Variants in APOL5 observed in about 807,000 individuals in gnomAD.
APOL5 encodes apolipoprotein L5, also known as apolipoprotein L, 5.
APOL5 carries 29 observed loss-of-function variants against 35.5 expected under a neutral mutation model. The ratio of observed to expected loss-of-function variants is 0.82; its 90% confidence interval spans 0.61 to 1.11. The LOEUF (loss-of-function observed/expected upper bound fraction) is 1.11. APOL5 is among the 50% of genes most tolerant of loss of function. The pLI, the probability that APOL5 is intolerant of heterozygous loss-of-function variation, is 0.00. For missense variants in APOL5, 514 were observed against 530.4 expected (o/e 0.97, Z 0.30); for synonymous variants, 188 against 200.2 (o/e 0.94, Z 0.51).
At chr22:35,726,059 C>T in intron 2 of APOL5, 152 bp from the exon 3 acceptor site, 1 of 766,682 alleles carries the variant, frequency 1.3e-6, no homozygotes. Context: ...AGGTTAGAAG[C>T]AAGATGAAGC....
chr22:35,717,812 G>A (rs1926812735), upstream of APOL5: 2 of 1,233,112 alleles, frequency 1.6e-6, no homozygotes, highest in African/African-American at 1.6e-5. Flanking sequence ...TTTCAGGCAT[G>A]GAGAAGGGAG....
chr22:35,723,210 A>C (rs775806288), intron 2 of APOL5, among the ~76,000 whole-genome samples: 1 of 152,128 alleles, frequency 6.6e-6, no homozygotes, highest in East Asian at 1.9e-4. Flanking sequence ...ACAGCCTTGC[A>C]TCCTTTCCCA....
upstream of APOL5, among the ~76,000 whole-genome samples, chr22:35,713,066 A>T (rs941195315): frequency 6.6e-6 from 1 of 152,210 alleles, no homozygotes; most frequent in Non-Finnish European, 1.5e-5. Flanking sequence ...CACTTTGGGA[A>T]CACCCATTGC....
At chr22:35,721,051 T>G (rs938297657) in intron 2 of APOL5, among the ~76,000 whole-genome samples, 3 of 151,886 alleles carry the variant, frequency 2.0e-5, no homozygotes, top group African/African-American at 7.3e-5. Flanking sequence ...CAGCTGTCAA[T>G]AAGTATTTGA....
intron 1 of APOL5, 83 bp downstream of exon 1, chr22:35,718,009 AT>A: frequency 1.7e-6 from 2 of 1,147,474 alleles, no homozygotes; most frequent in Non-Finnish European, 2.4e-6. Context: ...ACGTTACACT[AT>A]TTTTTATACC....
rs757057053 is a variant in APOL5, at chr22:35,727,154, G to C, written c.1086G>C (p.Arg362=). 6.2e-7 allele frequency: 1 copy of C among 1,606,552 alleles called. No individual in the cohort carries two copies. Among genetic ancestry groups the C allele is most frequent in the African/African-American group, 1.3e-5 (1 of 74,882 alleles). The change falls in exon 3 of 5, where the codon CGG becomes CGC. Residue 362 remains arginine (R), a synonymous_variant. Transcript: ENST00000249044. ...CGAGCCAGACCTGTTCCAGCTCCCG[G>C]GGCAGGGCTGTTCGAGGATCCCGTG... The part of the protein sequence containing the change: ...QKASQTCSSS[R]GRAVRGSRVV...
chr22:35,727,335 C>A (rs1927207893), intron 3 of APOL5, 141 bp downstream of exon 3: 1 of 1,260,950 alleles, frequency 7.9e-7, no homozygotes, highest in Non-Finnish European at 1.1e-6. Context: ...TTGCCGCACA[C>A]CCCTGACATT....
At chr22:35,711,871 C>T in the APOL5 span, among the ~76,000 whole-genome samples, 20 of 152,176 alleles carry the variant, frequency 1.3e-4, no homozygotes, top group South Asian at 1.2e-3. Context: ...GACGGGGTTT[C>T]GCCATGTTGG....
chr22:35,719,670 G>C (rs1926889281), intron 1 of APOL5, among the ~76,000 whole-genome samples: 1 of 152,222 alleles, frequency 6.6e-6, no homozygotes, highest in African/African-American at 2.4e-5. Context: ...AAACCCCTAG[G>C]GGGAGCATGC....
At chr22:35,722,148 G>C (rs1423387951) in intron 2 of APOL5, among the ~76,000 whole-genome samples, 1 of 152,116 alleles carries the variant, frequency 6.6e-6, no homozygotes, top group African/African-American at 2.4e-5. Context: ...TTTCTTATCC[G>C]TGTCCTTGAC....
At chr22:35,716,696 T>A (rs1327768126), upstream of APOL5, among the ~76,000 whole-genome samples, 1 of 152,202 alleles carries the variant, frequency 6.6e-6, no homozygotes, top group Non-Finnish European at 1.5e-5. Context: ...TGTTCACATT[T>A]GGTGTATCTC....
chr22:35,728,799 A>G lies in APOL5; in HGVS notation c.1203A>G (p.Pro401=), dbSNP rs757937833. ...RLGPGVALRT[P]KRTVSAPRML... ...GCCCTGGCGTGGCACTGAGGACACC[A>G]AAGAGGACAGTCTCTGCCCCAAGGA... The change falls in exon 4 of 5, where the codon CCA becomes CCG. Residue 401 remains proline, a synonymous_variant. Coordinates refer to ENST00000249044, the MANE Select transcript of APOL5 (RefSeq NM_030642.1). The G allele has an allele frequency of 5.6e-6, 9 of 1,613,608 alleles. No individual in the cohort carries two copies. Among genetic ancestry groups the G allele is most frequent in the South Asian group, 3.3e-5 (3 of 90,880 alleles).
chr22:35,711,188 A>G, the APOL5 span, among the ~76,000 whole-genome samples: 1 of 152,132 alleles, frequency 6.6e-6, no homozygotes, highest in Non-Finnish European at 1.5e-5. Flanking sequence ...CAACAACAAC[A>G]AAAAAAGCAA....
At chr22:35,722,758 C>T (rs1927017111) in intron 2 of APOL5, among the ~76,000 whole-genome samples, 1 of 151,936 alleles carries the variant, frequency 6.6e-6, no homozygotes, top group Non-Finnish European at 1.5e-5. Context: ...GCCTAGAGGG[C>T]ACCCACTAGG....
chr22:35,715,971 T>C (rs1319413457), upstream of APOL5, among the ~76,000 whole-genome samples: 1 of 152,130 alleles, frequency 6.6e-6, no homozygotes, highest in Non-Finnish European at 1.5e-5. Context: ...TTAATATGAA[T>C]ATGAATAACA....
chr22:35,710,806 T>C, the APOL5 span, among the ~76,000 whole-genome samples: 1 of 152,208 alleles, frequency 6.6e-6, no homozygotes, highest in African/African-American at 2.4e-5. Flanking sequence ...GCGTGTGTCC[T>C]TTTGTGAGTG....
chr22:35,711,040 A>G, the APOL5 span, among the ~76,000 whole-genome samples: 3 of 152,170 alleles, frequency 2.0e-5, no homozygotes, highest in Admixed American at 6.5e-5. Flanking sequence ...ATGGTGGCAC[A>G]TGCCCGTAAT....
chr22:35,717,235 A>AAAAAAAAAAAATATATATATATAT, upstream of APOL5, among the ~76,000 whole-genome samples: 1 of 57,662 alleles, frequency 1.7e-5, no homozygotes, highest in Non-Finnish European at 3.1e-5. Flanking sequence ...AAAAAAAAAA[A>AAAAAAAAAAAATATATATATATAT]ATATATATAT....
intron 1 of APOL5, 94 bp from the exon 2 acceptor site, chr22:35,720,474 G>A (rs1926928803): frequency 1.0e-6 from 1 of 976,768 alleles, no homozygotes. Flanking sequence ...CTCCAATATT[G>A]TAATTAGACA....
Sources: gnomAD v4.1 joint callset for allele counts (sites outside exome capture counted in the v4.1 genomes callset) on GRCh38, gnomAD v4.1.1 for gene constraint, MANE v1.5 for transcripts, NCBI Gene and HGNC (gene_info 2026-07-23, HGNC 2026-07-21) for gene names.